The following FHIT variants were observed in gnomAD, a reference collection of about 807,000 sequenced individuals.
FHIT encodes the protein bis(5'-adenosyl)-triphosphatase.
FHIT carries 19 observed loss-of-function variants against 17.9 expected under a neutral mutation model. The ratio of observed to expected loss-of-function variants is 1.06; its 90% confidence interval spans 0.74 to 1.56. The LOEUF is 1.56. Ranked by LOEUF, FHIT falls within the 40% of genes most tolerant of loss-of-function variation. The pLI is 0.00. For missense variants in FHIT, 248 were observed against 189.2 expected (o/e 1.31, Z -1.82); for synonymous variants, 81 against 69.7 (o/e 1.16, Z -0.81).
intron 4 of FHIT, among the ~76,000 whole-genome samples, chr3:60,748,588 G>A (rs2042404956): frequency 6.6e-6 from 1 of 152,160 alleles, no homozygotes; most frequent in Non-Finnish European, 1.5e-5. Flanking sequence ...GAGGTGGGCG[G>A]ATCACTTGAG....
At chr3:59,913,432 G>C (rs1704979095) in intron 8 of FHIT, among the ~76,000 whole-genome samples, 1 of 152,148 alleles carries the variant, frequency 6.6e-6, no homozygotes, top group South Asian at 2.1e-4. Flanking sequence ...TTTGCCATGA[G>C]CTGGTTATGA....
intron 3 of FHIT, among the ~76,000 whole-genome samples, chr3:60,918,536 T>C (rs1318763609): frequency 2.0e-5 from 3 of 152,104 alleles, no homozygotes; most frequent in African/African-American, 4.8e-5. Context: ...GCAATAAGTG[T>C]CAGAGAGTTC....
intron 5 of FHIT, among the ~76,000 whole-genome samples, chr3:60,064,735 A>G (rs143488587): frequency 6.6e-6 from 1 of 152,326 alleles, no homozygotes; most frequent in East Asian, 1.9e-4. Context: ...GGATCTGCCA[A>G]ATAATCCAGT....
At chr3:59,999,396 T>A (rs1224871915) in intron 7 of FHIT, among the ~76,000 whole-genome samples, 1 of 152,134 alleles carries the variant, frequency 6.6e-6, no homozygotes, top group African/African-American at 2.4e-5. Flanking sequence ...GAAGTTAAGC[T>A]CTTCTAGGGC....
chr3:61,177,134 A>G (rs7653719), intron 2 of FHIT, among the ~76,000 whole-genome samples: 68,906 of 150,278 alleles, frequency 0.46, 16,639 homozygotes, highest in East Asian at 0.87. Context: ...CCGAGATTGC[A>G]CCCCTGCACT....
At chr3:61,201,276 T>C (rs2039004128) in intron 1 of FHIT, among the ~76,000 whole-genome samples, 1 of 152,186 alleles carries the variant, frequency 6.6e-6, no homozygotes, top group South Asian at 2.1e-4. Flanking sequence ...CTTGTTAACT[T>C]CAGCTCTCTG....
At position 60,267,353 on chromosome 3, in the gene FHIT, T is replaced by C. The variant is rs140214235; in HGVS notation, c.104-253201A>G. Among the ~76,000 whole-genome samples the C allele has an allele frequency of 2.5e-4, 38 of 152,088 alleles. No homozygotes were observed. In the East Asian group the frequency reaches 4.3e-3, roughly 17 times the overall value. On this transcript the variant is annotated intron_variant, in intron 5 of 9. Coordinates refer to ENST00000492590, the MANE Select transcript of FHIT (RefSeq NM_002012.4). ...ACAATAAATGGGAAATGCTTGCAAA[T>C]TGCATAATGTAATGAAAATTTTCAA...
chr3:61,104,906 C>T (rs185325005), intron 2 of FHIT, among the ~76,000 whole-genome samples: 1 of 152,206 alleles, frequency 6.6e-6, no homozygotes, highest in Non-Finnish European at 1.5e-5. Flanking sequence ...GTGTATTTTT[C>T]AGCTCTATGA....
At chr3:59,749,830 A>ATAGT (rs1203955341) in intron 9 of FHIT, 1 of 223,124 alleles carries the variant, frequency 4.5e-6, no homozygotes, top group Non-Finnish European at 8.9e-6. Flanking sequence ...AAAGGGAGGT[A>ATAGT]TAGTTAGTCC....
chr3:60,806,957 GAAACATC>G (rs1307365902), intron 4 of FHIT, among the ~76,000 whole-genome samples: 1 of 152,096 alleles, frequency 6.6e-6, no homozygotes, highest in Admixed American at 6.5e-5. Context: ...AGTTGACCCA[GAAACATC>G]CCACACCTCC....
intron 4 of FHIT, among the ~76,000 whole-genome samples, chr3:60,665,617 G>C (rs1553692279): frequency 6.6e-6 from 1 of 151,820 alleles, no homozygotes; most frequent in Non-Finnish European, 1.5e-5. Context: ...ATTAATATTT[G>C]TATGATATAT....
chr3:60,145,657 A>C (rs1700209754), intron 5 of FHIT, among the ~76,000 whole-genome samples: 1 of 152,204 alleles, frequency 6.6e-6, no homozygotes, highest in Admixed American at 6.5e-5. Context: ...GTCCTAGCTG[A>C]CATACCAGTT....
chr3:60,200,550 A>T (rs1248508667), intron 5 of FHIT, among the ~76,000 whole-genome samples: 1 of 151,988 alleles, frequency 6.6e-6, no homozygotes, highest in Non-Finnish European at 1.5e-5. Context: ...TATGAAAAGG[A>T]TCCTCTTCTA....
chr3:60,226,670 G>A (rs948270043), intron 5 of FHIT, among the ~76,000 whole-genome samples: 2 of 152,068 alleles, frequency 1.3e-5, no homozygotes, highest in African/African-American at 2.4e-5. Context: ...GTTGTCTCTC[G>A]AGACTAGATA....
chr3:59,791,293 A>T (rs1699546334), intron 8 of FHIT, among the ~76,000 whole-genome samples: 1 of 152,130 alleles, frequency 6.6e-6, no homozygotes, highest in Non-Finnish European at 1.5e-5. Flanking sequence ...TGGTCTGTGC[A>T]AAGTTTTTAT....
intron 8 of FHIT, among the ~76,000 whole-genome samples, chr3:59,912,598 G>A (rs1704932700): frequency 6.6e-6 from 1 of 152,180 alleles, no homozygotes; most frequent in Non-Finnish European, 1.5e-5. Flanking sequence ...TAACAGAGAA[G>A]CCAGTGAAAT....
At chr3:60,840,281 G>T (rs139994849) in intron 3 of FHIT, among the ~76,000 whole-genome samples, 244 of 152,220 alleles carry the variant, frequency 1.6e-3, no homozygotes, top group Non-Finnish European at 2.6e-3. Context: ...TAATAAAGAT[G>T]ATTTTTCTTC....
chr3:60,361,368 C>T (rs1398273105), intron 5 of FHIT, among the ~76,000 whole-genome samples: 2 of 152,056 alleles, frequency 1.3e-5, no homozygotes. Flanking sequence ...TGGAAAAGGG[C>T]ACTATTCTTT....
chr3:60,967,696 A>T (rs1419909127), intron 3 of FHIT, among the ~76,000 whole-genome samples: 1 of 152,186 alleles, frequency 6.6e-6, no homozygotes, highest in Non-Finnish European at 1.5e-5. Flanking sequence ...AACAAGATCA[A>T]TAAAATAGTT....
Sources: allele counts gnomAD v4.1 joint callset (sites outside exome capture counted in the v4.1 genomes callset), GRCh38; gene constraint gnomAD v4.1.1; transcripts MANE v1.5; gene names NCBI Gene and HGNC (gene_info 2026-07-23, HGNC 2026-07-21).